Variants in C16orf90 observed in about 807,000 individuals in gnomAD.
C16orf90 encodes chromosome 16 open reading frame 90.
In C16orf90, 17 loss-of-function variants were observed where a neutral mutation model predicts 17.1. That is an observed-to-expected ratio of 1.00 (90% CI 0.68 to 1.49). C16orf90 has a LOEUF of 1.49. Ranked by LOEUF, C16orf90 falls within the 40% of genes most tolerant of loss-of-function variation. The probability of loss-of-function intolerance (pLI) is 0.00; values close to 1 mark genes in which losing one functional copy is unlikely to be tolerated. For missense variants in C16orf90, 255 were observed against 235.5 expected (o/e 1.08, Z -0.54); for synonymous variants, 108 against 95.8 (o/e 1.13, Z -0.75).
chr16:3,494,040 G>C (rs56793723), intron 2 of C16orf90, 53 bp from the exon 3 acceptor site: 22 of 1,531,026 alleles, frequency 1.4e-5, no homozygotes, highest in Non-Finnish European at 1.8e-5. Context: ...GGGAGGCTGG[G>C]GGGGAGGCTG....
upstream of C16orf90, chr16:3,495,537 C>T (rs1356357199): frequency 2.0e-6 from 3 of 1,521,286 alleles, no homozygotes; most frequent in African/African-American, 2.8e-5. Flanking sequence ...CTTATGACAT[C>T]ACGGGGAAGA....
chr16:3,496,557 C>A, upstream of C16orf90: 1 of 546,736 alleles, frequency 1.8e-6, no homozygotes. Flanking sequence ...AGGGTGGGGG[C>A]CAAGATCCTG....
In C16orf90 at chr16:3,493,958, C is replaced by A; in HGVS notation, c.430G>T (p.Gly144Cys). The A allele has an allele frequency of 6.2e-7, 1 of 1,610,442 alleles. No homozygotes were observed. The highest frequency in any genetic ancestry group is 2.2e-5 in the East Asian group (1 of 44,792). The change falls in exon 3 of 3, where the codon GGT (glycine) becomes TGT (cysteine). Residue 144 changes from glycine (G) to cysteine (C), a missense_variant. By Grantham distance (159) the Gly-to-Cys change is radical. Coordinates refer to ENST00000437192, the MANE Select transcript of C16orf90 (RefSeq NM_001080524.2). ...ASSSSMDPDKGALPQPSPSRL... is the reference protein window; with the variant it reads ...ASSSSMDPDKCALPQPSPSRL... ...GAAGGACTAGGCTGGGGGAGGGCAC[C>A]CTTGTCTGGGTCCATGCTGGAACTG...
At chr16:3,496,338 A>T (rs2037309349), upstream of C16orf90, 3 of 1,136,042 alleles carry the variant, frequency 2.6e-6, no homozygotes, top group Non-Finnish European at 3.8e-6. Flanking sequence ...ACATTCAACC[A>T]GGTTGTGCTG....
At position 3,493,516 on chromosome 16, in the gene C16orf90, G is replaced by C. The variant is rs1248796531; in HGVS notation, c.*323C>G. 1.3e-5 allele frequency: 3 copies of C among 239,438 alleles called. No homozygotes were observed. Among genetic ancestry groups the C allele is most frequent in the Non-Finnish European group, 2.6e-5 (3 of 117,544 alleles). The allele number at this position is 239,438 out of a possible 1,614,324, so 14.8% of individuals were successfully genotyped here. On this transcript the variant is annotated 3_prime_UTR_variant, in exon 3 of 3. Coordinates refer to ENST00000437192, the MANE Select transcript of C16orf90 (RefSeq NM_001080524.2). ...CTTGGCTTTTATTGAGATCAGAGCT[G>C]TGGGCTCCCCGGCCTCTCAGGGAGG...
chr16:3,493,820 G>C lies in C16orf90; in HGVS notation c.*19C>G. On this transcript the variant is annotated 3_prime_UTR_variant, in exon 3 of 3. Transcript: ENST00000437192. ...GGCCATCCTGCCCCTCCTGTACCCAGTCCTGGCACTCGGGATCCCTATGGC... is the reference window on the plus strand; with the variant it reads ...GGCCATCCTGCCCCTCCTGTACCCACTCCTGGCACTCGGGATCCCTATGGC... 6.3e-7 allele frequency: 1 copy of C among 1,587,210 alleles called. No homozygotes were observed.
chr16:3,496,531 C>T, upstream of C16orf90: 1 of 565,180 alleles, frequency 1.8e-6, no homozygotes, highest in Admixed American at 1.9e-5. Context: ...ACCAGCCGGC[C>T]CACAGCGGCA....
At chr16:3,495,608 G>A, upstream of C16orf90, 2 of 1,281,648 alleles carry the variant, frequency 1.6e-6, no homozygotes, top group Non-Finnish European at 2.1e-6. Context: ...AGGGCAGGGT[G>A]AAAGAAAGGC....
chr16:3,494,319 G>C (rs950261449), intron 2 of C16orf90, among the ~76,000 whole-genome samples: 2 of 151,902 alleles, frequency 1.3e-5, no homozygotes, highest in Non-Finnish European at 2.9e-5. Flanking sequence ...CCTTTTTCTC[G>C]CACCGCTTTG....
Position 3,493,789 on chromosome 16 carries a change from C to G in C16orf90, c.*50G>C. The G allele has an allele frequency of 6.5e-7, 1 of 1,536,120 alleles. No individual in the cohort carries two copies. The highest frequency in any genetic ancestry group is 8.8e-7 in the Non-Finnish European group (1 of 1,136,310). On this transcript the variant is annotated 3_prime_UTR_variant, in exon 3 of 3. Coordinates refer to ENST00000437192, the MANE Select transcript of C16orf90 (RefSeq NM_001080524.2). ...GCCGAGCCCCTCCTGCTCAGGCTGC[C>G]TCCTCGGCCATCCTGCCCCTCCTGT... is the stretch of plus-strand genomic sequence containing the variant.
upstream of C16orf90, chr16:3,496,539 G>T: frequency 1.8e-6 from 1 of 555,330 alleles, no homozygotes; most frequent in Non-Finnish European, 3.5e-6. Context: ...GCCCACAGCG[G>T]CATCCTCAGG....
At chr16:3,495,579 G>A (rs900831040), upstream of C16orf90, 16 of 1,448,052 alleles carry the variant, frequency 1.1e-5, no homozygotes, top group Admixed American at 2.5e-4. Flanking sequence ...TAGTTTGGGA[G>A]AGGACAGTGC....
At position 3,494,609 on chromosome 16, in the gene C16orf90, C is replaced by T. The variant is rs530791625; in HGVS notation, c.315G>A (p.Leu105=). 5.0e-6 allele frequency: 8 copies of T among 1,612,778 alleles called. No homozygotes were observed. Among genetic ancestry groups the T allele is most frequent in the Middle Eastern group, 1.6e-4 (1 of 6,062 alleles). ...QPEGTAWALD[L]PQGTLGPRNS... ...TACGTGGGCCCAGAGTCCCCTGTGG[C>T]AGGTCCAGGGCCCAGGCTGTGCCCT... The change falls in exon 2 of 3, where the codon CTG becomes CTA. Residue 105 remains leucine, a synonymous_variant. Coordinates refer to ENST00000437192, the MANE Select transcript of C16orf90 (RefSeq NM_001080524.2).
chr16:3,494,778 G>T lies in C16orf90; in HGVS notation c.146C>A (p.Ala49Asp). The change falls in exon 2 of 3, where the codon GCC becomes GAC. Residue 49 changes from alanine (A) to aspartate (D), a missense_variant. By Grantham distance (126) the Ala-to-Asp change is moderately radical. Transcript: ENST00000437192. Reference protein sequence around the residue: ...LGSPQPQCPSAQGSKPKNFRL... With the variant: ...LGSPQPQCPSDQGSKPKNFRL... ...GAAGTTCTTGGGCTTGCTTCCCTGGGCACTGGGGCACTGCGGCTGCGGGGA... is the reference window on the plus strand; with the variant it reads ...GAAGTTCTTGGGCTTGCTTCCCTGGTCACTGGGGCACTGCGGCTGCGGGGA... 6.3e-7 allele frequency: 1 copy of T among 1,594,940 alleles called. No individual in the cohort carries two copies. Among genetic ancestry groups the T allele is most frequent in the Non-Finnish European group, 8.5e-7 (1 of 1,171,304 alleles).
chr16:3,494,889 A>G lies in C16orf90; in HGVS notation c.47-12T>C. The G allele has an allele frequency of 6.7e-7, 1 of 1,497,114 alleles. No individual in the cohort carries two copies. The highest frequency in any genetic ancestry group is 8.9e-7 in the Non-Finnish European group (1 of 1,127,858). The allele number at this position is 1,497,114 out of a possible 1,614,324, so 92.7% of individuals were successfully genotyped here. A position where few individuals can be genotyped will look rare whatever the true frequency, so the allele number is the denominator to read the frequency against. On this transcript the variant is annotated splice_polypyrimidine_tract_variant and intron_variant, in intron 1 of 2. Coordinates refer to ENST00000437192, the MANE Select transcript of C16orf90 (RefSeq NM_001080524.2). ...CTGGCTCACTGCATCTGCAGAGGAG[A>G]CAGCGGGAGGGTGGTGGCCAGCCCC...
At chr16:3,495,790 G>A (rs1340688249), upstream of C16orf90, among the ~76,000 whole-genome samples, 2 of 152,178 alleles carry the variant, frequency 1.3e-5, no homozygotes, top group African/African-American at 4.8e-5. Context: ...GACCTAGGAA[G>A]ACCTAGGTCG....
intron 1 of C16orf90, 125 bp downstream of exon 1, chr16:3,495,251 G>GC (rs1363121186): frequency 3.8e-5 from 44 of 1,145,914 alleles, no homozygotes; most frequent in Non-Finnish European, 5.6e-5. Context: ...GGGGCTCATG[G>GC]CCTGGCCCAG....
At position 3,495,329 on chromosome 16, in the gene C16orf90, A is replaced by AC; in HGVS notation, c.46+46dup. 2.0e-5 allele frequency: 31 copies of AC among 1,572,312 alleles called. No individual in the cohort carries two copies. In the South Asian group the frequency reaches 3.6e-4, roughly 18 times the overall value. ...CCCTCGGCTTTGGGCCCAGGTGGGG[A>AC]CAGAAGCCTATCTCTCTTCCTGCCA... On this transcript the variant is annotated intron_variant, in intron 1 of 2. Coordinates refer to ENST00000437192, the MANE Select transcript of C16orf90 (RefSeq NM_001080524.2).
chr16:3,494,011 G>A (rs1316478107), intron 2 of C16orf90, 24 bp from the exon 3 acceptor site: 9 of 1,591,772 alleles, frequency 5.7e-6, no homozygotes, highest in South Asian at 5.6e-5. Flanking sequence ...AGAGAAAGGA[G>A]TCACTTGAGG....
Sources: allele counts gnomAD v4.1 joint callset (sites outside exome capture counted in the v4.1 genomes callset), GRCh38; gene constraint gnomAD v4.1.1; transcripts MANE v1.5; gene names NCBI Gene and HGNC (gene_info 2026-07-23, HGNC 2026-07-21).